Variants in MCOLN3 observed in about 807,000 individuals in gnomAD.
MCOLN3 encodes mucolipin-3.
A neutral mutation model predicts 69.4 loss-of-function variants in MCOLN3; 62 were observed. The observed-to-expected ratio is 0.89, with a 90% confidence interval of 0.73 to 1.10. The LOEUF (loss-of-function observed/expected upper bound fraction) is 1.10, where lower values mean the gene tolerates loss of function less well. Among genes scored for constraint, MCOLN3 ranks in the 50% least tolerant of loss-of-function variants. The pLI, the probability that MCOLN3 is intolerant of heterozygous loss-of-function variation, is 0.00. For missense variants in MCOLN3, 564 were observed against 656.4 expected (o/e 0.86, Z 1.54); for synonymous variants, 183 against 217.0 (o/e 0.84, Z 1.38).
At chr1:85,022,520 C>T (rs1651995887) in intron 9 of MCOLN3, 120 bp from the exon 10 acceptor site, 1 of 635,058 alleles carries the variant, frequency 1.6e-6, no homozygotes, top group East Asian at 2.8e-5. Context: ...AGTGAACAAA[C>T]AAAAGTCTCT....
In MCOLN3 at chr1:85,021,122, A is replaced by G. The variant is rs779478789; in HGVS notation, c.1475T>C (p.Met492Thr). 2.5e-5 allele frequency: 40 copies of G among 1,612,062 alleles called. No homozygotes were observed. Among genetic ancestry groups the G allele is most frequent in the Admixed American group, 1.8e-4 (11 of 59,958 alleles). ...LYSFISLFIYMILSLFIALIT... is the reference protein window; with the variant it reads ...LYSFISLFIYTILSLFIALIT... ...CAGTGCAATGAAAAGACTTAAAATC[A>G]TATATATAAAGAGGCTGATGAATGA... is the stretch of plus-strand genomic sequence containing the variant. Residue 492 changes from methionine to threonine, a missense_variant, in exon 12 of 13, where the codon ATG (methionine) becomes ACG (threonine). By Grantham distance (81) the Met-to-Thr change is moderately conservative. Transcript: ENST00000370589.
In MCOLN3 at chr1:85,026,239, A is replaced by G. The variant is rs1652209751; in HGVS notation, c.878T>C (p.Ile293Thr). 7 of 1,614,062 alleles carry G rather than the reference A, an allele frequency of 4.3e-6. No individual in the cohort carries two copies. The highest frequency in any genetic ancestry group is 5.1e-6 in the Non-Finnish European group (6 of 1,180,022). ...GATTAATGAAACCAAGCAAGTCAGAATGACAAAGGCATCAAAGATCATCAT... is the reference window on the plus strand; with the variant it reads ...GATTAATGAAACCAAGCAAGTCAGAGTGACAAAGGCATCAAAGATCATCAT... ...HYMMIFDAFV[I>T]LTCLVSLILC... is the part of the protein sequence containing the mutation. The change falls in exon 8 of 13, where the codon ATT becomes ACT. Residue 293 changes from isoleucine (I) to threonine (T), a missense_variant. Transcript: ENST00000370589.
intron 3 of MCOLN3, 90 bp from the exon 4 acceptor site, chr1:85,034,341 G>T (rs1652700216): frequency 3.6e-5 from 49 of 1,374,398 alleles, no homozygotes; most frequent in Non-Finnish European, 4.9e-5. Flanking sequence ...TCTGATCCTG[G>T]CAGGTTCCCT....
In MCOLN3 at chr1:85,018,369, GT is replaced by G. The variant is rs1444909511; in HGVS notation, c.*753del. 2 of 152,120 alleles carry G rather than the reference GT, an allele frequency of 1.3e-5. No individual in the cohort carries two copies. Among genetic ancestry groups the G allele is most frequent in the African/African-American group, 4.8e-5 (2 of 41,426 alleles). The allele number at this position is 152,120 out of a possible 1,614,324, so 9.4% of individuals were successfully genotyped here. On this transcript the variant is annotated 3_prime_UTR_variant, in exon 13 of 13. Coordinates refer to ENST00000370589, the MANE Select transcript of MCOLN3 (RefSeq NM_018298.11). Reference sequence around the variant, plus strand: ...TCTATGTTTAGATACTTACCATTGTGTTACAATTGCCTACTGTATTCAATAC... The same window carrying G: ...TCTATGTTTAGATACTTACCATTGTGTACAATTGCCTACTGTATTCAATAC...
At chr1:85,037,946 T>C (rs1652875983) in intron 3 of MCOLN3, among the ~76,000 whole-genome samples, 2 of 152,098 alleles carry the variant, frequency 1.3e-5, no homozygotes. Context: ...TGAGTGGTAA[T>C]ATAAAAACAC....
intron 1 of MCOLN3, chr1:85,047,277 T>C (rs1406888028): frequency 1.3e-5 from 2 of 152,276 alleles, no homozygotes; most frequent in African/African-American, 2.4e-5. Context: ...GTTGTCCCGG[T>C]AGACATTTCA....
At chr1:85,038,637 A>G (rs1652912367) in intron 3 of MCOLN3, among the ~76,000 whole-genome samples, 1 of 152,122 alleles carries the variant, frequency 6.6e-6, no homozygotes, top group Non-Finnish European at 1.5e-5. Context: ...AATCACCTCA[A>G]CTATTAAGTA....
intron 7 of MCOLN3, 23 bp from the exon 8 acceptor site, chr1:85,026,307 A>G (rs370425947): frequency 2.0e-5 from 29 of 1,485,296 alleles, no homozygotes; most frequent in African/African-American, 1.7e-4. Flanking sequence ...AGGATTACAT[A>G]GTGCTTATGT....
Position 85,045,339 on chromosome 1 carries a change from C to T in MCOLN3, c.22G>A (p.Val8Met), listed in dbSNP as rs769648826. The change falls in exon 2 of 13, where the codon GTG (valine) becomes ATG (methionine). Residue 8 changes from valine to methionine, a missense_variant. By Grantham distance (21) the Val-to-Met change is conservative. Transcript: ENST00000370589. ...TCTTCATGAGAGCTGCAGCTACTCA[C>T]AACTACCTCAGGATCTGCCATCTCT... MADPEVVVSSCSSHEEEN... is the reference protein window; with the variant it reads MADPEVVMSSCSSHEEEN... 4 of 1,613,784 alleles carry T rather than the reference C, an allele frequency of 2.5e-6. No homozygotes were observed.
intron 3 of MCOLN3, among the ~76,000 whole-genome samples, chr1:85,035,355 C>A (rs55663547): frequency 0.049 from 7,504 of 152,262 alleles, 283 homozygotes; most frequent in East Asian, 0.19. Context: ...CTGACAGCTT[C>A]CAAATTTGCA....
chr1:85,045,393 C>A, intron 1 of MCOLN3, 31 bp from the exon 2 acceptor site: 3 of 1,517,614 alleles, frequency 2.0e-6, no homozygotes, highest in Non-Finnish European at 2.7e-6. Flanking sequence ...CAACAACAAC[C>A]AACATTTCCA....
chr1:85,034,116 C>T lies in MCOLN3; in HGVS notation c.532G>A (p.Asp178Asn), dbSNP rs746814894. Residue 178 changes from aspartate (D) to asparagine (N), a missense_variant, in exon 4 of 13, where the codon GAT becomes AAT. Transcript: ENST00000370589. ...ACATCACCAGTTTCAATTTCTGGAT[C>T]GATGTCAAAGGTATCATTTCCAGGG... ...IYPGNDTFDI[D>N]PEIETECFFV... 5 of 1,614,012 alleles carry T rather than the reference C, an allele frequency of 3.1e-6. No individual in the cohort carries two copies. Among genetic ancestry groups the T allele is most frequent in the African/African-American group, 1.3e-5 (1 of 74,916 alleles).
chr1:85,041,321 A>G (rs1653052480), intron 2 of MCOLN3, 144 bp from the exon 3 acceptor site: 1 of 677,686 alleles, frequency 1.5e-6, no homozygotes, highest in Admixed American at 3.2e-5. Flanking sequence ...GCAGGTGGAT[A>G]ATAAATTAAG....
intron 3 of MCOLN3, chr1:85,036,968 A>G (rs1361471369): frequency 1.3e-5 from 2 of 152,202 alleles, no homozygotes; most frequent in Non-Finnish European, 2.9e-5. Context: ...CTGCTCTAAC[A>G]CCAGCCCTGC....
At position 85,026,169 on chromosome 1, in the gene MCOLN3, T is replaced by C; in HGVS notation, c.945+3A>G. ...AGCATTCCTAGAAAGCAACGTTCCC[T>C]ACCTGCTGAAGCTGAAGTCCTCTAA... On this transcript the variant is annotated splice_donor_region_variant and intron_variant, in intron 8 of 12. Transcript: ENST00000370589. 6.2e-7 allele frequency: 1 copy of C among 1,613,828 alleles called. No individual in the cohort carries two copies. Among genetic ancestry groups the C allele is most frequent in the Non-Finnish European group, 8.5e-7 (1 of 1,179,712 alleles).
chr1:85,022,446 C>G, intron 9 of MCOLN3, 46 bp from the exon 10 acceptor site: 1 of 1,357,334 alleles, frequency 7.4e-7, no homozygotes, highest in Non-Finnish European at 1.0e-6. Flanking sequence ...AGCAGAAATT[C>G]ATTTGGCAAT....
At chr1:85,048,262 C>A (rs1027634716) in intron 1 of MCOLN3, 134 bp downstream of exon 1, 26 of 152,356 alleles carry the variant, frequency 1.7e-4, no homozygotes, top group African/African-American at 6.3e-4. Flanking sequence ...CTCCATGGCG[C>A]CGACTGCCCG....
At chr1:85,037,436 A>G (rs191091029) in intron 3 of MCOLN3, among the ~76,000 whole-genome samples, 14 of 152,340 alleles carry the variant, frequency 9.2e-5, no homozygotes, top group South Asian at 6.2e-4. Flanking sequence ...TCCCCACAAG[A>G]ATCACCTAAA....
At chr1:85,027,222 C>A (rs1250225195) in intron 7 of MCOLN3, among the ~76,000 whole-genome samples, 1 of 152,138 alleles carries the variant, frequency 6.6e-6, no homozygotes, top group African/African-American at 2.4e-5. Flanking sequence ...AGTAAACAAA[C>A]ACATAACAAA....
Sources: allele counts gnomAD v4.1 joint callset (sites outside exome capture counted in the v4.1 genomes callset), GRCh38; gene constraint gnomAD v4.1.1; transcripts MANE v1.5; gene names NCBI Gene and HGNC (gene_info 2026-07-23, HGNC 2026-07-21).